MBOAT2: variants seen among roughly 807,000 people sequenced by gnomAD.
MBOAT2 encodes membrane bound glycerophospholipid O-acyltransferase 2.
MBOAT2 carries 28 observed loss-of-function variants against 63.4 expected under a neutral mutation model. The ratio of observed to expected loss-of-function variants is 0.44; its 90% confidence interval spans 0.33 to 0.61. MBOAT2 has a LOEUF of 0.61. Among genes scored for constraint, MBOAT2 ranks in the 20% least tolerant of loss-of-function variants. MBOAT2 has a pLI of 0.03. For missense variants in MBOAT2, 470 were observed against 605.8 expected, an observed-to-expected ratio of 0.78 and a Z score of 2.35; for synonymous variants, 211 against 215.6, an observed-to-expected ratio of 0.98 and a Z score of 0.19.
intron 2 of MBOAT2, among the ~76,000 whole-genome samples, chr2:8,954,965 C>A (rs1006815671): frequency 1.3e-5 from 2 of 152,156 alleles, no homozygotes; most frequent in African/African-American, 4.8e-5. Context: ...GCCAAGCTGG[C>A]CTTGGCTGCA....
chr2:8,995,999 G>A (rs985940434), intron 1 of MBOAT2, among the ~76,000 whole-genome samples: 10 of 152,318 alleles, frequency 6.6e-5, no homozygotes, highest in African/African-American at 1.4e-4. Flanking sequence ...GGGCCCTGTC[G>A]AAAATGCAGA....
chr2:8,942,929 G>C lies in MBOAT2; in HGVS notation c.299+258C>G, dbSNP rs1668155458. Among the ~76,000 whole-genome samples the C allele has an allele frequency of 2.0e-5, 3 of 152,176 alleles. No individual in the cohort carries two copies. The South Asian group carries it at 6.2e-4, about 31-fold the overall frequency. On this transcript the variant is annotated intron_variant, in intron 3 of 12. Coordinates refer to ENST00000305997, the MANE Select transcript of MBOAT2 (RefSeq NM_138799.4). ...ACTGGCATCTAGGTGGTAAAAGCCA[G>C]GAATGCTGCCTAACATCCTAGAAGG...
intron 3 of MBOAT2, among the ~76,000 whole-genome samples, chr2:8,912,516 G>A (rs992445549): frequency 6.6e-6 from 1 of 152,096 alleles, no homozygotes; most frequent in African/African-American, 2.4e-5. Context: ...CAAGATTAAC[G>A]TACACAAATC....
intron 1 of MBOAT2, among the ~76,000 whole-genome samples, chr2:8,984,456 C>T (rs770587721): frequency 1.4e-4 from 21 of 152,118 alleles, no homozygotes; most frequent in Non-Finnish European, 2.5e-4. Flanking sequence ...ATGATTAACA[C>T]AATATTCCAG....
At chr2:8,973,246 G>A (rs534921381) in intron 1 of MBOAT2, among the ~76,000 whole-genome samples, 12 of 151,634 alleles carry the variant, frequency 7.9e-5, no homozygotes, top group African/African-American at 1.2e-4. Context: ...GGAAACCATC[G>A]TTCTCAGCAA....
intron 1 of MBOAT2, among the ~76,000 whole-genome samples, chr2:9,000,772 T>C (rs1672627436): frequency 6.6e-6 from 1 of 152,260 alleles, no homozygotes; most frequent in Non-Finnish European, 1.5e-5. Context: ...ACTTCATAAA[T>C]ACTCTACATT....
At chr2:8,904,164 G>C (rs919782681) in intron 4 of MBOAT2, among the ~76,000 whole-genome samples, 3 of 151,784 alleles carry the variant, frequency 2.0e-5, no homozygotes, top group Non-Finnish European at 4.4e-5. Flanking sequence ...TAGTAGAGAC[G>C]AGTTTTGCCA....
intron 4 of MBOAT2, 85 bp downstream of exon 4, chr2:8,908,536 A>C: frequency 1.4e-6 from 1 of 701,158 alleles, no homozygotes; most frequent in Non-Finnish European, 2.4e-6. Flanking sequence ...TTTCACTTGA[A>C]CTACTAAATG....
chr2:8,952,537 A>T (rs1303651488), intron 2 of MBOAT2, among the ~76,000 whole-genome samples: 1 of 152,114 alleles, frequency 6.6e-6, no homozygotes, highest in African/African-American at 2.4e-5. Context: ...CCCCACTATT[A>T]ATGTGTGGCT....
intron 1 of MBOAT2, among the ~76,000 whole-genome samples, chr2:8,995,866 C>A (rs1267012961): frequency 2.6e-5 from 4 of 152,206 alleles, no homozygotes; most frequent in Non-Finnish European, 5.9e-5. Flanking sequence ...GCTGGGATTA[C>A]AGGCGTGAGC....
At chr2:8,986,372 T>C (rs1192318399) in intron 1 of MBOAT2, among the ~76,000 whole-genome samples, 6 of 152,106 alleles carry the variant, frequency 3.9e-5, no homozygotes, top group Non-Finnish European at 7.4e-5. Flanking sequence ...GAGACCAGCC[T>C]GGGCAACATA....
chr2:8,927,462 T>C (rs753986846), intron 3 of MBOAT2, among the ~76,000 whole-genome samples: 9 of 152,288 alleles, frequency 5.9e-5, no homozygotes, highest in Middle Eastern at 3.4e-3. Context: ...ATTAAAACAA[T>C]TTTCAAGAAA....
chr2:8,864,507 A>G (rs1461011103), intron 9 of MBOAT2, among the ~76,000 whole-genome samples: 2 of 152,166 alleles, frequency 1.3e-5, no homozygotes, highest in Non-Finnish European at 2.9e-5. Flanking sequence ...GATTTCTTCC[A>G]AAGACATTCC....
At chr2:8,902,315 G>A (rs934030851) in intron 4 of MBOAT2, among the ~76,000 whole-genome samples, 29 of 152,190 alleles carry the variant, frequency 1.9e-4, no homozygotes, top group Admixed American at 1.9e-3. Flanking sequence ...TCACCACTTG[G>A]CGATAATCAG....
At chr2:8,881,917 G>A (rs183987351) in intron 6 of MBOAT2, among the ~76,000 whole-genome samples, 1 of 152,278 alleles carries the variant, frequency 6.6e-6, no homozygotes, top group African/African-American at 2.4e-5. Context: ...TAAGTATAAT[G>A]AGTATTCCAT....
chr2:8,975,196 C>T (rs150529849), intron 1 of MBOAT2, among the ~76,000 whole-genome samples: 7 of 152,260 alleles, frequency 4.6e-5, no homozygotes, highest in African/African-American at 1.7e-4. Flanking sequence ...ACCATCTTAC[C>T]AAATCTGCCT....
intron 1 of MBOAT2, among the ~76,000 whole-genome samples, chr2:8,979,368 T>G (rs940888560): frequency 7.2e-5 from 11 of 152,124 alleles, no homozygotes; most frequent in Non-Finnish European, 1.5e-4. Context: ...GTTTTAAAGT[T>G]TCCAGACATT....
chr2:8,885,472 T>G (rs1192001803), intron 5 of MBOAT2, among the ~76,000 whole-genome samples: 1 of 152,214 alleles, frequency 6.6e-6, no homozygotes, highest in Non-Finnish European at 1.5e-5. Flanking sequence ...GGAAACACTT[T>G]TCTCAAGTAT....
intron 1 of MBOAT2, among the ~76,000 whole-genome samples, chr2:8,973,776 C>T (rs1670628053): frequency 6.6e-6 from 1 of 152,064 alleles, no homozygotes; most frequent in African/African-American, 2.4e-5. Flanking sequence ...AGTAAAATAA[C>T]ATTTTCATCT....
Sources: allele counts gnomAD v4.1 joint callset (sites outside exome capture counted in the v4.1 genomes callset), GRCh38; gene constraint gnomAD v4.1.1; transcripts MANE v1.5; gene names NCBI Gene and HGNC (gene_info 2026-07-23, HGNC 2026-07-21).